KLHL1: variants seen among roughly 807,000 people sequenced by gnomAD.
The protein encoded by KLHL1 is kelch-like protein 1.
Under a neutral mutation model 77.7 loss-of-function variants are expected in KLHL1, and 47 were observed. The ratio of observed to expected loss-of-function variants is 0.60; its 90% CI spans 0.48 to 0.77. The LOEUF (loss-of-function observed/expected upper bound fraction) is 0.77. Among genes scored for constraint, KLHL1 ranks in the 30% least tolerant of loss-of-function variants. The pLI, the probability that KLHL1 is intolerant of heterozygous loss-of-function variation, is 0.00. For missense variants in KLHL1, 925 were observed against 910.8 expected (o/e 1.02, Z -0.20); for synonymous variants, 360 against 325.2 (o/e 1.11, Z -1.15).
At chr13:70,051,902 TTAAAG>T (rs947818954) in intron 1 of KLHL1, among the ~76,000 whole-genome samples, 21 of 151,884 alleles carry the variant, frequency 1.4e-4, no homozygotes, top group African/African-American at 4.8e-4. Flanking sequence ...AACTGAGAAT[TTAAAG>T]TAAAGATTTT....
intron 4 of KLHL1, among the ~76,000 whole-genome samples, chr13:69,900,437 T>G (rs888005942): frequency 5.3e-5 from 8 of 152,198 alleles, no homozygotes; most frequent in Admixed American, 5.2e-4. Context: ...TTATTAGAAT[T>G]TACGGGTAAG....
intron 1 of KLHL1, among the ~76,000 whole-genome samples, chr13:70,024,636 C>CTTTCTCTCTT (rs1566508879): frequency 3.3e-4 from 48 of 145,112 alleles, no homozygotes; most frequent in Admixed American, 1.4e-3. Flanking sequence ...CTCTCTCTCT[C>CTTTCTCTCTT]TCTCTCTCTC....
chr13:69,732,148 A>G (rs1355323882), intron 8 of KLHL1, among the ~76,000 whole-genome samples: 5 of 152,168 alleles, frequency 3.3e-5, no homozygotes, highest in African/African-American at 9.6e-5. Context: ...ACGATCATAA[A>G]CAAATTGGCA....
At chr13:69,812,929 A>G (rs1372882344) in intron 6 of KLHL1, among the ~76,000 whole-genome samples, 2,124 of 144,720 alleles carry the variant, frequency 0.015, 58 homozygotes, top group African/African-American at 0.053. Context: ...TTCCTCAGGG[A>G]TCTAGAACTA....
Position 70,094,912 on chromosome 13 carries a change from A to G in KLHL1, c.497+12291T>C, listed in dbSNP as rs568914902. Among the ~76,000 whole-genome samples the G allele has an allele frequency of 3.3e-5, 5 of 152,276 alleles. No individual in the cohort carries two copies. The South Asian group carries it at 1.0e-3, about 32-fold the overall frequency. On this transcript the variant is annotated intron_variant, in intron 1 of 10. Transcript: ENST00000377844. ...CCTAAGCTAGTGAAGGAAATTAATG[A>G]CAAGAGAAGTGAGAAAGTAGCCAGT...
chr13:70,040,693 T>TG (rs754135179), intron 1 of KLHL1, among the ~76,000 whole-genome samples: 7 of 152,232 alleles, frequency 4.6e-5, no homozygotes, highest in East Asian at 1.9e-4. Flanking sequence ...ATTTGGATTT[T>TG]GGGGGGGTTA....
At chr13:70,060,209 A>G (rs147444690) in intron 1 of KLHL1, among the ~76,000 whole-genome samples, 1 of 152,202 alleles carries the variant, frequency 6.6e-6, no homozygotes, top group Non-Finnish European at 1.5e-5. Context: ...AAGAGAAATA[A>G]TGAGACATCA....
intron 2 of KLHL1, among the ~76,000 whole-genome samples, chr13:69,972,741 A>G (rs1884424129): frequency 4.6e-5 from 7 of 151,904 alleles, no homozygotes; most frequent in Admixed American, 4.6e-4. Context: ...AATAATGGCT[A>G]AGGGGGAAGA....
intron 4 of KLHL1, among the ~76,000 whole-genome samples, chr13:69,927,105 A>G (rs762132360): frequency 6.6e-6 from 1 of 152,134 alleles, no homozygotes; most frequent in Non-Finnish European, 1.5e-5. Flanking sequence ...ATAAAATCTC[A>G]TATTTATAGT....
chr13:69,988,936 G>T (rs9542147), intron 1 of KLHL1, among the ~76,000 whole-genome samples: 146,430 of 152,212 alleles, frequency 0.96, 70,781 homozygotes, highest in Non-Finnish European at 0.99. Context: ...CTGTTGATAG[G>T]TTCTTTTGCT....
intron 4 of KLHL1, among the ~76,000 whole-genome samples, chr13:69,932,466 A>G (rs796716760): frequency 2.6e-5 from 4 of 152,074 alleles, no homozygotes; most frequent in African/African-American, 9.6e-5. Context: ...TTTCTTATCC[A>G]GAAGGGAATA....
At chr13:69,804,513 A>C (rs1288534762) in intron 6 of KLHL1, among the ~76,000 whole-genome samples, 1 of 152,168 alleles carries the variant, frequency 6.6e-6, no homozygotes, top group Non-Finnish European at 1.5e-5. Context: ...CTCTTATTCA[A>C]CTCACCAGAG....
At chr13:69,703,300 T>C (rs1875481552) in intron 10 of KLHL1, among the ~76,000 whole-genome samples, 1 of 151,564 alleles carries the variant, frequency 6.6e-6, no homozygotes, top group South Asian at 2.1e-4. Context: ...AACAAACCTG[T>C]TGTACCGCTT....
At chr13:69,832,880 T>G (rs1878818106) in intron 6 of KLHL1, among the ~76,000 whole-genome samples, 1 of 152,108 alleles carries the variant, frequency 6.6e-6, no homozygotes, top group African/African-American at 2.4e-5. Flanking sequence ...TCAACAAATT[T>G]TGTTGGGATA....
intron 1 of KLHL1, among the ~76,000 whole-genome samples, chr13:70,084,885 TAAAAG>T (rs1887495486): frequency 6.6e-6 from 1 of 152,034 alleles, no homozygotes; most frequent in Non-Finnish European, 1.5e-5. Flanking sequence ...GTAATATTCT[TAAAAG>T]AAAACAAGAT....
intron 5 of KLHL1, among the ~76,000 whole-genome samples, chr13:69,862,556 C>A (rs1386614505): frequency 1.3e-5 from 2 of 152,044 alleles, no homozygotes; most frequent in East Asian, 3.9e-4. Flanking sequence ...GCAAATATAA[C>A]CTTAATAGAA....
intron 3 of KLHL1, among the ~76,000 whole-genome samples, chr13:69,957,353 G>A (rs531963921): frequency 1.3e-5 from 2 of 151,762 alleles, no homozygotes; most frequent in East Asian, 3.9e-4. Context: ...TTGTTTAAAG[G>A]CTTATGACAT....
intron 4 of KLHL1, among the ~76,000 whole-genome samples, chr13:69,884,465 G>A (rs1330695847): frequency 1.3e-5 from 2 of 148,202 alleles, no homozygotes; most frequent in Non-Finnish European, 3.0e-5. Flanking sequence ...AGCTAAAGAT[G>A]TTCTGAGGAA....
At chr13:69,997,162 A>G (rs181879416) in intron 1 of KLHL1, among the ~76,000 whole-genome samples, 1 of 151,766 alleles carries the variant, frequency 6.6e-6, no homozygotes, top group Non-Finnish European at 1.5e-5. Flanking sequence ...CAGAGGTTGC[A>G]GTGAGCCAAT....
Sources: gnomAD v4.1 joint callset for allele counts (sites outside exome capture counted in the v4.1 genomes callset) on GRCh38, gnomAD v4.1.1 for gene constraint, MANE v1.5 for transcripts, NCBI Gene and HGNC (gene_info 2026-07-23, HGNC 2026-07-21) for gene names.